The following RAPGEF2 variants were observed in gnomAD, a reference collection of about 807,000 sequenced individuals.
RAPGEF2 encodes the protein Rap guanine nucleotide exchange factor 2, also known as PDZ domain containing guanine nucleotide exchange factor (GEF) 1.
A neutral mutation model predicts 186.7 loss-of-function variants in RAPGEF2; 54 were observed. The observed-to-expected ratio is 0.29, with a 90% CI of 0.23 to 0.36. RAPGEF2 has a LOEUF of 0.36. RAPGEF2 is among the 10% of genes least tolerant of loss of function. RAPGEF2 has a pLI of 1.00. For missense variants in RAPGEF2, 1,532 were observed against 2,045.0 expected (o/e 0.75, Z 4.84); for synonymous variants, 712 against 705.9 (o/e 1.01, Z -0.14).
At chr4:159,321,949 A>G (rs1241353803) in intron 9 of RAPGEF2, among the ~76,000 whole-genome samples, 2 of 152,216 alleles carry the variant, frequency 1.3e-5, no homozygotes, top group Admixed American at 6.5e-5. Flanking sequence ...TATTTTAGGC[A>G]TTCACCTGCC....
chr4:159,331,998 A>G lies in RAPGEF2; in HGVS notation c.1852A>G (p.Thr618Ala), dbSNP rs991779560. 4.4e-6 allele frequency: 7 copies of G among 1,608,292 alleles called. No homozygotes were observed. Among genetic ancestry groups the G allele is most frequent in the Non-Finnish European group, 5.9e-6 (7 of 1,178,154 alleles). The change falls in exon 16 of 30, where the codon ACA (threonine) becomes GCA (alanine). Residue 618 changes from threonine to alanine, a missense_variant. By Grantham distance (58) the Thr-to-Ala change is moderately conservative (BLOSUM62 0). Coordinates refer to ENST00000691494, the MANE Select transcript of RAPGEF2 (RefSeq NM_001394067.2). ...SKAMEILRNN[T>A]HLSITVKTNL... ...AGCTATGGAAATTCTTAGAAATAAC[A>G]CACATTTATCTATCACTGTGAAAAC...
intron 7 of RAPGEF2, among the ~76,000 whole-genome samples, chr4:159,302,010 CAA>C (rs1256131954): frequency 2.0e-5 from 3 of 152,170 alleles, no homozygotes; most frequent in Admixed American, 6.5e-5. Flanking sequence ...GGCAGATACT[CAA>C]TAAGTATTTA....
At chr4:159,322,600 G>A (rs1561278158) in intron 10 of RAPGEF2, 117 bp downstream of exon 10, 1 of 787,088 alleles carries the variant, frequency 1.3e-6, no homozygotes, top group African/African-American at 1.7e-5. Flanking sequence ...CAGTAAGTTT[G>A]AATAATTCAA....
chr4:159,304,037 T>C (rs17225222), intron 7 of RAPGEF2, among the ~76,000 whole-genome samples: 7,320 of 152,254 alleles, frequency 0.048, 274 homozygotes, highest in Non-Finnish European at 0.079. Flanking sequence ...ATTTGCTCAT[T>C]GACGTGTGAT....
Position 159,353,694 on chromosome 4 carries a change from T to G in RAPGEF2, c.4299T>G (p.Leu1433=). The G allele has an allele frequency of 1.3e-6, 2 of 1,593,910 alleles. No individual in the cohort carries two copies. Among genetic ancestry groups the G allele is most frequent in the Non-Finnish European group, 1.7e-6 (2 of 1,170,654 alleles). Residue 1433 remains leucine (L), a synonymous_variant, in exon 28 of 30, where the codon CTT becomes CTG. Transcript: ENST00000691494. The surrounding 1 kb of genome is among the most constrained non-coding windows in gnomAD (Gnocchi z 4.3). ...AGCACCAGAGAAGCTGGGAGACTCT[T>G]CCATTCGGGCATACTCACTTTGATT... ...TIQHQRSWET[L]PFGHTHFDYS... is the part of the protein sequence containing the mutation.
chr4:159,314,498 G>A (rs1332918458), intron 8 of RAPGEF2, 93 bp from the exon 9 acceptor site: 14 of 1,126,930 alleles, frequency 1.2e-5, no homozygotes, highest in Non-Finnish European at 1.7e-5. Context: ...AATATAACAA[G>A]CATTATTTTG....
At chr4:159,217,973 A>G (rs1275413459) in intron 4 of RAPGEF2, among the ~76,000 whole-genome samples, 7 of 152,198 alleles carry the variant, frequency 4.6e-5, no homozygotes, top group African/African-American at 1.4e-4. Context: ...AGTGTTTCTT[A>G]TTTCATGTAA....
Position 159,350,191 on chromosome 4 carries a change from G to T in RAPGEF2, c.3767G>T (p.Ser1256Ile), listed in dbSNP as rs754651322. ...ATTCTTTCTTTGTCTGAAGAAGGAA[G>T]TTTGGAACGTCACAAGAAACAGGCT... ...KKILSLSEEG[S>I]LERHKKQAED... is the part of the protein sequence containing the mutation. The change falls in exon 26 of 30, where the codon AGT (serine) becomes ATT (isoleucine). Residue 1256 changes from serine (S) to isoleucine (I), a missense_variant. Physicochemically the swap from Ser to Ile is moderately radical, Grantham distance 142. This residue lies in a region of RAPGEF2 where 594 missense variants were observed against 608.5 expected (regional missense o/e 0.98). Transcript: ENST00000691494. 1.9e-6 allele frequency: 3 copies of T among 1,591,270 alleles called. No individual in the cohort carries two copies. In the African/African-American group the frequency reaches 4.1e-5, roughly 21 times the overall value.
chr4:159,314,472 G>T, intron 8 of RAPGEF2, 119 bp from the exon 9 acceptor site: 1 of 936,664 alleles, frequency 1.1e-6, no homozygotes, highest in African/African-American at 1.7e-5. Flanking sequence ...ATACATAGTT[G>T]TTGGATGGAA....
chr4:159,210,314 C>T (rs1750397583), intron 3 of RAPGEF2, among the ~76,000 whole-genome samples, 186 bp from the exon 4 acceptor site: 1 of 152,122 alleles, frequency 6.6e-6, no homozygotes, highest in South Asian at 2.1e-4. Flanking sequence ...TGGTGTATTT[C>T]AGGGATACAA....
chr4:159,320,751 T>C (rs930260718), intron 9 of RAPGEF2, among the ~76,000 whole-genome samples: 1 of 152,164 alleles, frequency 6.6e-6, no homozygotes, highest in Non-Finnish European at 1.5e-5. Context: ...ATTTTTCTGT[T>C]GTGCTTTGTT....
At chr4:159,161,092 C>T (rs1047062686) in intron 1 of RAPGEF2, among the ~76,000 whole-genome samples, 61 of 152,142 alleles carry the variant, frequency 4.0e-4, no homozygotes, top group Admixed American at 3.2e-3. Context: ...TAAATGAGGA[C>T]ATTCCCATGT....
intron 8 of RAPGEF2, among the ~76,000 whole-genome samples, chr4:159,312,410 G>T (rs1435688901): frequency 6.6e-6 from 1 of 152,086 alleles, no homozygotes; most frequent in Non-Finnish European, 1.5e-5. Flanking sequence ...AGGGTCAGGT[G>T]CTGATAACAA....
At chr4:159,207,772 T>TC (rs1469993243) in intron 3 of RAPGEF2, among the ~76,000 whole-genome samples, 1 of 152,236 alleles carries the variant, frequency 6.6e-6, no homozygotes, top group Non-Finnish European at 1.5e-5. Flanking sequence ...GTATTTTTTT[T>TC]CCCGCTTTCT....
chr4:159,267,081 A>T lies in RAPGEF2; in HGVS notation c.543+23290A>T, dbSNP rs565515661. The T allele has an allele frequency of 5.1e-6, 5 of 980,400 alleles. No homozygotes were observed. In the South Asian group the frequency reaches 7.8e-5, roughly 15 times the overall value. The allele number at this position is 980,400 out of a possible 1,614,324, so 60.7% of individuals were successfully genotyped here. ...ATTTGAGCTGAATATTTCAGTGTGT[A>T]TAGGGAGAGGGAGGGTGAGAGAGAA... On this transcript the variant is annotated intron_variant, in intron 7 of 29. Transcript: ENST00000691494.
At chr4:159,175,995 C>G (rs144021611) in intron 1 of RAPGEF2, among the ~76,000 whole-genome samples, 21 of 152,264 alleles carry the variant, frequency 1.4e-4, no homozygotes, top group African/African-American at 4.8e-4. Flanking sequence ...ACATAAAATA[C>G]AAACCTATTA....
At chr4:159,159,422 GTGT>G (rs1268015224) in intron 1 of RAPGEF2, among the ~76,000 whole-genome samples, 2 of 147,518 alleles carry the variant, frequency 1.4e-5, no homozygotes, top group African/African-American at 5.0e-5. Context: ...ACTGAGTGTA[GTGT>G]TGTTCCAAGA....
chr4:159,124,544 G>GA (rs1340113664), intron 1 of RAPGEF2, among the ~76,000 whole-genome samples: 3 of 151,594 alleles, frequency 2.0e-5, no homozygotes, highest in East Asian at 3.9e-4. Flanking sequence ...GTCTAAAAGA[G>GA]AAAAAAAATT....
Position 159,342,883 on chromosome 4 carries a change from A to G in RAPGEF2, c.2919-96A>G, listed in dbSNP as rs72701208. 1.5e-3 allele frequency: 1,529 copies of G among 1,053,732 alleles called. 2 individuals carry two copies. The highest frequency in any genetic ancestry group is 1.8e-3 in the Non-Finnish European group (1,335 of 727,066). The allele number at this position is 1,053,732 out of a possible 1,614,324, so 65.3% of individuals were successfully genotyped here. ...TGCAGCCTTCTGTAAATTGTTATGC[A>G]TATAAAGCATAAACATAGAGATGTT... is the stretch of plus-strand genomic sequence containing the variant. On this transcript the variant is annotated intron_variant, in intron 20 of 29. Coordinates refer to ENST00000691494, the MANE Select transcript of RAPGEF2 (RefSeq NM_001394067.2).
Sources: gnomAD v4.1 joint callset for allele counts (sites outside exome capture counted in the v4.1 genomes callset) on GRCh38, gnomAD v4.1.1 for gene constraint, gnomAD v4.1.1 regional missense constraint, Gnocchi (gnomAD v3.1) non-coding constraint, MANE v1.5 for transcripts, NCBI Gene and HGNC (gene_info 2026-07-23, HGNC 2026-07-21) for gene names.